FBXL20: variants seen among roughly 807,000 people sequenced by gnomAD.
FBXL20 encodes the protein F-box and leucine rich repeat protein 20.
FBXL20 carries 11 observed loss-of-function variants against 64.0 expected under a neutral mutation model. That is an observed-to-expected ratio of 0.17 (90% CI 0.11 to 0.28). The LOEUF (loss-of-function observed/expected upper bound fraction) is 0.28, where lower values mean the gene tolerates loss of function less well. FBXL20 is among the 10% of genes least tolerant of loss of function. The pLI, the probability that FBXL20 is intolerant of heterozygous loss-of-function variation, is 1.00. For missense variants in FBXL20, 303 were observed against 526.2 expected, an observed-to-expected ratio of 0.58 and a Z score of 4.15; for synonymous variants, 184 against 189.0, an observed-to-expected ratio of 0.97 and a Z score of 0.22.
At chr17:39,354,377 T>C (rs771211250) in intron 1 of FBXL20, among the ~76,000 whole-genome samples, 1 of 152,208 alleles carries the variant, frequency 6.6e-6, no homozygotes, top group African/African-American at 2.4e-5. Flanking sequence ...TTAATGTTCA[T>C]CGCACTTACT....
At chr17:39,272,285 T>C (rs1212848768) in intron 10 of FBXL20, among the ~76,000 whole-genome samples, 3 of 151,260 alleles carry the variant, frequency 2.0e-5, no homozygotes, top group Admixed American at 6.6e-5. Flanking sequence ...ATCTGAGAGG[T>C]TGAGGCAGGA....
At chr17:39,303,527 G>A in intron 3 of FBXL20, 58 bp downstream of exon 3, 1 of 1,389,200 alleles carries the variant, frequency 7.2e-7, no homozygotes, top group Non-Finnish European at 9.9e-7. Flanking sequence ...CTATGAAAGA[G>A]GCTGTTATCA....
chr17:39,291,210 T>C (rs1375695627), intron 6 of FBXL20, among the ~76,000 whole-genome samples: 1 of 152,078 alleles, frequency 6.6e-6, no homozygotes, highest in Non-Finnish European at 1.5e-5. Context: ...ATCACCCGCC[T>C]CAGCCTCCCA....
intron 1 of FBXL20, among the ~76,000 whole-genome samples, chr17:39,392,438 CAAAA>C (rs67507209): frequency 6.7e-5 from 7 of 104,004 alleles, no homozygotes; most frequent in Non-Finnish European, 8.6e-5. Context: ...AGATTGTCTC[CAAAA>C]AAAAAAAAAA....
intron 2 of FBXL20, among the ~76,000 whole-genome samples, chr17:39,341,447 C>T (rs1380127001): frequency 6.6e-6 from 1 of 152,182 alleles, no homozygotes; most frequent in Admixed American, 6.6e-5. Context: ...CACATATCTT[C>T]TTTCAGATGA....
chr17:39,329,643 G>C (rs2047441885), intron 2 of FBXL20, among the ~76,000 whole-genome samples: 1 of 152,020 alleles, frequency 6.6e-6, no homozygotes, highest in South Asian at 2.1e-4. Flanking sequence ...AAATACTGCA[G>C]CCTTTCAGGG....
At chr17:39,341,368 T>C (rs2047581288) in intron 2 of FBXL20, among the ~76,000 whole-genome samples, 1 of 152,130 alleles carries the variant, frequency 6.6e-6, no homozygotes, top group South Asian at 2.1e-4. Context: ...TAAATCCAAA[T>C]CAAGCTCTCA....
chr17:39,369,878 C>T (rs1294768173), intron 1 of FBXL20, among the ~76,000 whole-genome samples: 2 of 152,152 alleles, frequency 1.3e-5, no homozygotes, highest in East Asian at 3.9e-4. Flanking sequence ...TCCAGCTTTC[C>T]TCCTACCCTC....
At chr17:39,284,746 T>C (rs2046974606) in intron 7 of FBXL20, among the ~76,000 whole-genome samples, 1 of 152,148 alleles carries the variant, frequency 6.6e-6, no homozygotes, top group East Asian at 1.9e-4. Context: ...CTGTCATTCT[T>C]ATAACATGAA....
intron 1 of FBXL20, among the ~76,000 whole-genome samples, chr17:39,396,680 G>A (rs928049311): frequency 1.3e-5 from 2 of 152,022 alleles, no homozygotes; most frequent in African/African-American, 4.8e-5. Flanking sequence ...GTCTTGCCGG[G>A]CGTGGTGGCT....
chr17:39,363,883 CTTT>C (rs71147324), intron 1 of FBXL20, among the ~76,000 whole-genome samples: 18 of 48,678 alleles, frequency 3.7e-4, no homozygotes, highest in Admixed American at 3.2e-3. Flanking sequence ...TGAATCATAT[CTTT>C]TTTTTTTTTT....
intron 2 of FBXL20, among the ~76,000 whole-genome samples, chr17:39,316,310 C>CACAA (rs2047291598): frequency 6.6e-6 from 1 of 152,084 alleles, no homozygotes; most frequent in African/African-American, 2.4e-5. Flanking sequence ...CACACACACA[C>CACAA]ACACATTTTT....
chr17:39,325,970 C>T (rs553574090), intron 2 of FBXL20, among the ~76,000 whole-genome samples: 2 of 152,124 alleles, frequency 1.3e-5, no homozygotes, highest in Non-Finnish European at 2.9e-5. Context: ...ATCATGGGGG[C>T]AGATCCCTCA....
At chr17:39,281,547 T>C (rs1294392313) in intron 8 of FBXL20, 84 bp from the exon 9 acceptor site, 5 of 1,093,682 alleles carry the variant, frequency 4.6e-6, no homozygotes, top group Admixed American at 2.4e-5. Flanking sequence ...CATTCATTCA[T>C]ACATTCTAAT....
chr17:39,309,674 C>T (rs551241390), intron 2 of FBXL20, among the ~76,000 whole-genome samples: 49 of 151,194 alleles, frequency 3.2e-4, no homozygotes, highest in African/African-American at 1.2e-3. Context: ...TGGTGGTGTA[C>T]GCTGTAATCC....
At chr17:39,317,707 T>G (rs949782449) in intron 2 of FBXL20, among the ~76,000 whole-genome samples, 2 of 63,822 alleles carry the variant, frequency 3.1e-5, no homozygotes, top group African/African-American at 1.4e-4. Flanking sequence ...TTTTGTTTTT[T>G]TTTTTTTTTT....
At chr17:39,264,124 G>A in intron 14 of FBXL20, 51 bp downstream of exon 14, 4 of 1,549,450 alleles carry the variant, frequency 2.6e-6, no homozygotes, top group African/African-American at 1.4e-5. Context: ...AAAAAAGAGA[G>A]AAGAAAGTGC....
intron 2 of FBXL20, among the ~76,000 whole-genome samples, chr17:39,305,242 C>T (rs1055628354): frequency 6.6e-6 from 1 of 152,114 alleles, no homozygotes; most frequent in African/African-American, 2.4e-5. Flanking sequence ...TTACAAGACT[C>T]CTTTAACACA....
intron 9 of FBXL20, among the ~76,000 whole-genome samples, chr17:39,277,273 G>C (rs950893180): frequency 6.6e-6 from 1 of 152,176 alleles, no homozygotes; most frequent in Admixed American, 6.6e-5. Context: ...ATGATGTATT[G>C]TCTTTAGACT....
Sources: gnomAD v4.1 joint callset for allele counts (sites outside exome capture counted in the v4.1 genomes callset) on GRCh38, gnomAD v4.1.1 for gene constraint, MANE v1.5 for transcripts, NCBI Gene and HGNC (gene_info 2026-07-23, HGNC 2026-07-21) for gene names.